DLG2: variants seen among roughly 807,000 people sequenced by gnomAD.
The protein encoded by DLG2 is discs large MAGUK scaffold protein 2, also known as disks large homolog 2.
A neutral mutation model predicts 132.5 loss-of-function variants in DLG2; 45 were observed. The ratio of observed to expected loss-of-function variants is 0.34; its 90% CI spans 0.27 to 0.44. The LOEUF (loss-of-function observed/expected upper bound fraction) is 0.44. DLG2 is among the 20% of genes least tolerant of loss of function. The pLI is 1.00. For missense variants in DLG2, 1,045 were observed against 1,196.9 expected, an observed-to-expected ratio of 0.87 and a Z score of 1.87; for synonymous variants, 424 against 419.6, an observed-to-expected ratio of 1.01 and a Z score of -0.13.
At chr11:84,747,150 T>G (rs1392907106) in intron 6 of DLG2, among the ~76,000 whole-genome samples, 7 of 152,192 alleles carry the variant, frequency 4.6e-5, no homozygotes, top group Non-Finnish European at 1.0e-4. Flanking sequence ...CAACAAGTTC[T>G]GTGAGGAAGA....
At chr11:85,566,852 A>C (rs529015476) in intron 3 of DLG2, among the ~76,000 whole-genome samples, 1 of 152,226 alleles carries the variant, frequency 6.6e-6, no homozygotes, top group African/African-American at 2.4e-5. Flanking sequence ...TTGTTATATA[A>C]TGTGGAGTAG....
At chr11:83,827,202 T>C (rs1348808758) in intron 17 of DLG2, among the ~76,000 whole-genome samples, 1 of 152,044 alleles carries the variant, frequency 6.6e-6, no homozygotes, top group Non-Finnish European at 1.5e-5. Context: ...GGGATGGCAG[T>C]GGAGAGGTGG....
intron 4 of DLG2, among the ~76,000 whole-genome samples, chr11:85,180,968 G>A (rs2079650766): frequency 6.6e-6 from 1 of 151,740 alleles, no homozygotes; most frequent in South Asian, 2.1e-4. Flanking sequence ...TTCTGTTTCT[G>A]AATTATAATC....
intron 6 of DLG2, among the ~76,000 whole-genome samples, chr11:84,594,509 GA>G (rs2099551662): frequency 6.6e-6 from 1 of 152,174 alleles, no homozygotes; most frequent in Non-Finnish European, 1.5e-5. Context: ...AGAAGAATAT[GA>G]AAGACAGAAG....
chr11:83,742,644 T>C (rs1415778492), intron 18 of DLG2, among the ~76,000 whole-genome samples: 1 of 152,198 alleles, frequency 6.6e-6, no homozygotes, highest in Admixed American at 6.5e-5. Context: ...TTTAACAGTA[T>C]GTACTTACTT....
chr11:84,332,172 A>G (rs1567316201), intron 7 of DLG2, among the ~76,000 whole-genome samples: 1 of 150,384 alleles, frequency 6.6e-6, no homozygotes, highest in South Asian at 2.1e-4. Flanking sequence ...CTTGTCTACA[A>G]CTTCCAATTG....
intron 16 of DLG2, among the ~76,000 whole-genome samples, chr11:83,871,326 G>T (rs917361304): frequency 6.6e-6 from 1 of 152,168 alleles, no homozygotes; most frequent in African/African-American, 2.4e-5. Context: ...TATGGTAGAG[G>T]ACTCAATTAG....
intron 10 of DLG2, among the ~76,000 whole-genome samples, chr11:84,064,694 G>A (rs1160789604): frequency 6.6e-6 from 1 of 152,126 alleles, no homozygotes; most frequent in Admixed American, 6.6e-5. Flanking sequence ...TATATAAAGA[G>A]ACTATAGTGA....
intron 6 of DLG2, among the ~76,000 whole-genome samples, chr11:84,992,967 C>T (rs1266990963): frequency 6.6e-6 from 1 of 152,146 alleles, no homozygotes; most frequent in Non-Finnish European, 1.5e-5. Flanking sequence ...TGTACAGACA[C>T]CTGCACACAT....
intron 6 of DLG2, among the ~76,000 whole-genome samples, chr11:85,108,144 T>C (rs2072116802): frequency 6.6e-6 from 1 of 152,016 alleles, no homozygotes; most frequent in Admixed American, 6.6e-5. Flanking sequence ...ATAAAAGTTC[T>C]GCACTTAAAA....
At chr11:83,673,198 A>G (rs1258199368) in intron 18 of DLG2, among the ~76,000 whole-genome samples, 1 of 152,256 alleles carries the variant, frequency 6.6e-6, no homozygotes, top group African/African-American at 2.4e-5. Context: ...TGACAAACAC[A>G]TGCTCATTGT....
At chr11:84,893,563 T>TA (rs2089754125) in intron 6 of DLG2, among the ~76,000 whole-genome samples, 1 of 152,270 alleles carries the variant, frequency 6.6e-6, no homozygotes, top group South Asian at 2.1e-4. Context: ...TTCTGAAGAG[T>TA]CTGAAAGTTT....
chr11:85,209,445 C>CTTTTTTTTTTTTTT (rs1164394816), intron 4 of DLG2, among the ~76,000 whole-genome samples: 2 of 74,434 alleles, frequency 2.7e-5, no homozygotes, highest in Non-Finnish European at 4.7e-5. Flanking sequence ...AGAAATCAGT[C>CTTTTTTTTTTTTTT]TTTTTTTTTT....
chr11:84,411,198 A>G (rs2098900915), intron 7 of DLG2, among the ~76,000 whole-genome samples: 1 of 152,170 alleles, frequency 6.6e-6, no homozygotes, highest in South Asian at 2.1e-4. Context: ...AGGGCAAGAA[A>G]AATACATGAA....
chr11:83,908,324 C>A (rs866761660), intron 15 of DLG2, among the ~76,000 whole-genome samples: 11 of 151,412 alleles, frequency 7.3e-5, no homozygotes, highest in Admixed American at 6.6e-4. Context: ...TTTTCAGCCT[C>A]GGATACCAAC....
chr11:83,775,949 AGGTGT>A (rs2094565305), intron 18 of DLG2, among the ~76,000 whole-genome samples: 1 of 152,034 alleles, frequency 6.6e-6, no homozygotes, highest in Admixed American at 6.6e-5. Flanking sequence ...AAAATTAGCC[AGGTGT>A]GGTGGCAGGA....
intron 21 of DLG2, among the ~76,000 whole-genome samples, chr11:83,498,716 GA>G (rs2094287193): frequency 6.8e-6 from 1 of 146,454 alleles, no homozygotes; most frequent in South Asian, 2.1e-4. Flanking sequence ...AGAAATTAAT[GA>G]AACAGAGAAT....
chr11:84,504,828 A>G (rs2099233893), intron 7 of DLG2, among the ~76,000 whole-genome samples: 1 of 56,020 alleles, frequency 1.8e-5, no homozygotes, highest in South Asian at 7.8e-4. Flanking sequence ...AGCAACATCT[A>G]TAATTGACTC....
chr11:84,417,415 T>C (rs557830445), intron 7 of DLG2, among the ~76,000 whole-genome samples: 1 of 152,276 alleles, frequency 6.6e-6, no homozygotes, highest in South Asian at 2.1e-4. Context: ...CGAATTTCCT[T>C]CCCTTTTCTC....
Sources: allele counts gnomAD v4.1 joint callset (sites outside exome capture counted in the v4.1 genomes callset), GRCh38; gene constraint gnomAD v4.1.1; transcripts MANE v1.5; gene names NCBI Gene and HGNC (gene_info 2026-07-23, HGNC 2026-07-21).